Variants in FRY observed in about 807,000 individuals in gnomAD.
FRY encodes the protein protein furry homolog.
In FRY, 128 loss-of-function variants were observed where a neutral mutation model predicts 348.4. The ratio of observed to expected loss-of-function variants is 0.37; its 90% CI spans 0.32 to 0.43. The LOEUF (loss-of-function observed/expected upper bound fraction) is 0.43. FRY is among the 20% of genes least tolerant of loss of function. The pLI is 1.00. For missense variants in FRY, 2,736 were observed against 3,695.2 expected (o/e 0.74, Z 6.73); for synonymous variants, 1,370 against 1,374.7 (o/e 1.00, Z 0.08).
chr13:32,292,520 G>T (rs922596714), intron 59 of FRY, among the ~76,000 whole-genome samples: 7 of 152,016 alleles, frequency 4.6e-5, no homozygotes, highest in Non-Finnish European at 5.9e-5. Context: ...TTGGCAGGGT[G>T]CGGTGGCTCA....
At chr13:32,097,243 A>C (rs1283692000) in intron 2 of FRY, among the ~76,000 whole-genome samples, 1 of 152,158 alleles carries the variant, frequency 6.6e-6, no homozygotes, top group Non-Finnish European at 1.5e-5. Context: ...CTACAGACCC[A>C]CAGGTGTGCT....
At chr13:32,165,048 A>G (rs1881658338) in intron 17 of FRY, among the ~76,000 whole-genome samples, 1 of 151,222 alleles carries the variant, frequency 6.6e-6, no homozygotes, top group Non-Finnish European at 1.5e-5. Flanking sequence ...TGCATTTCAT[A>G]TACATTATGT....
chr13:32,266,276 C>T (rs1887922571), intron 54 of FRY, among the ~76,000 whole-genome samples: 1 of 152,162 alleles, frequency 6.6e-6, no homozygotes, highest in South Asian at 2.1e-4. Context: ...AATGTCTGTC[C>T]ATCAAAGGAA....
intron 1 of FRY, 34 bp from the exon 2 acceptor site, chr13:32,078,800 A>G (rs1265729197): frequency 2.7e-6 from 4 of 1,472,390 alleles, no homozygotes; most frequent in Admixed American, 1.7e-5. Context: ...TGACATTATT[A>G]TCAGCCAGTA....
chr13:32,061,269 C>A (rs1238400753), intron 1 of FRY: 1 of 463,890 alleles, frequency 2.2e-6, no homozygotes, highest in Non-Finnish European at 4.5e-6. Flanking sequence ...GTGGAGGTAG[C>A]AGTTGCATCT....
chr13:32,184,893 C>G, intron 25 of FRY, 83 bp from the exon 26 acceptor site: 1 of 1,212,604 alleles, frequency 8.2e-7, no homozygotes, highest in Non-Finnish European at 1.2e-6. Context: ...TGAGTTGTGA[C>G]AGTGAATCTT....
Position 32,234,638 on chromosome 13 carries a change from G to A in FRY, c.5592G>A (p.Arg1864=). 6.2e-7 allele frequency: 1 copy of A among 1,614,128 alleles called. No individual in the cohort carries two copies. The highest frequency in any genetic ancestry group is 8.5e-7 in the Non-Finnish European group (1 of 1,180,006). Residue 1864 remains arginine (R), a synonymous_variant, in exon 42 of 61, where the codon AGG becomes AGA. Coordinates refer to ENST00000542859, the MANE Select transcript of FRY (RefSeq NM_023037.3). The stretch of plus-strand genomic sequence containing the variant: ...AGACAGCCCTCGCAAGCTCTTCAAG[G>A]CACTATGCTGGTCGGTCCTTCCAGA... ...ALQTALASSS[R]HYAGRSFQIF... is the part of the protein sequence containing the mutation.
At position 32,292,629 on chromosome 13, in the gene FRY, T is replaced by TA. The variant is rs528607809; in HGVS notation, c.8581-1735dup. The stretch of plus-strand genomic sequence containing the variant: ...CAACATGGTGAAACCCTGCCTCTAC[T>TA]AAAATACAAAAAACTAGCCAGGCAT... On this transcript the variant is annotated intron_variant, in intron 59 of 60. Coordinates refer to ENST00000542859, the MANE Select transcript of FRY (RefSeq NM_023037.3). 2.1e-3 allele frequency among the ~76,000 whole-genome samples: 319 copies of TA among 151,664 alleles called. 2 individuals carry two copies. Among genetic ancestry groups the TA allele is most frequent in the Middle Eastern group, 3.4e-3 (1 of 294 alleles).
intron 23 of FRY, 88 bp from the exon 24 acceptor site, chr13:32,182,889 G>A: frequency 1.2e-6 from 1 of 822,390 alleles, no homozygotes. Context: ...AAAAGCAAGT[G>A]ATTTGGGATT....
chr13:32,108,480 G>A (rs899165497), intron 3 of FRY, among the ~76,000 whole-genome samples: 1 of 152,128 alleles, frequency 6.6e-6, no homozygotes, highest in Admixed American at 6.5e-5. Flanking sequence ...TATTGTTAAA[G>A]GATAATCTTC....
Position 32,295,294 on chromosome 13 carries a change from A to G in FRY, c.8876A>G (p.Gln2959Arg), listed in dbSNP as rs1355368972. 1 of 1,614,056 alleles carries G rather than the reference A, an allele frequency of 6.2e-7. No individual in the cohort carries two copies. The change falls in exon 61 of 61, where the codon CAG becomes CGG. Residue 2959 changes from glutamine (Q) to arginine (R), a missense_variant. Coordinates refer to ENST00000542859, the MANE Select transcript of FRY (RefSeq NM_023037.3). ...NIYFRHQTLG[Q>R]TGTYALVGSN... ...TATTTCCGTCACCAAACTCTGGGAC[A>G]GACGGGTACTTATGCCCTGGTGGGG...
chr13:32,279,293 G>A (rs1027825704), intron 58 of FRY, among the ~76,000 whole-genome samples: 3 of 152,184 alleles, frequency 2.0e-5, no homozygotes, highest in Non-Finnish European at 4.4e-5. Flanking sequence ...CATCTTGGCA[G>A]AGATCTAAAA....
chr13:32,112,063 G>A (rs1351023417), intron 3 of FRY, among the ~76,000 whole-genome samples: 1 of 152,202 alleles, frequency 6.6e-6, no homozygotes, highest in Non-Finnish European at 1.5e-5. Context: ...TAAGTTGCAA[G>A]GGTTCTAATG....
chr13:32,248,884 T>C (rs1457636365), intron 48 of FRY, among the ~76,000 whole-genome samples: 3 of 152,166 alleles, frequency 2.0e-5, no homozygotes, highest in African/African-American at 7.2e-5. Flanking sequence ...CCCAGAATGA[T>C]GGGTCTCAGG....
chr13:32,121,137 A>G (rs1394085846), intron 4 of FRY, among the ~76,000 whole-genome samples: 1 of 152,176 alleles, frequency 6.6e-6, no homozygotes. Flanking sequence ...ATTCGATCAT[A>G]TATATATACC....
intron 37 of FRY, among the ~76,000 whole-genome samples, chr13:32,224,680 G>A (rs1369269507): frequency 6.6e-6 from 1 of 152,172 alleles, no homozygotes; most frequent in Non-Finnish European, 1.5e-5. Flanking sequence ...CCTTGTCTTT[G>A]ATTTCTCTTC....
At chr13:32,065,978 A>C (rs1874236668) in intron 1 of FRY, among the ~76,000 whole-genome samples, 1 of 152,176 alleles carries the variant, frequency 6.6e-6, no homozygotes, top group Admixed American at 6.5e-5. Flanking sequence ...ATCAGTATGC[A>C]TTCTAGGAAA....
At chr13:32,036,480 T>C (rs1402514040) in intron 1 of FRY, among the ~76,000 whole-genome samples, 1 of 152,134 alleles carries the variant, frequency 6.6e-6, no homozygotes, top group East Asian at 1.9e-4. Context: ...GAGGGTTTTT[T>C]TTTTCCCATT....
intron 35 of FRY, among the ~76,000 whole-genome samples, chr13:32,214,102 C>T (rs1884838513): frequency 6.6e-6 from 1 of 152,216 alleles, no homozygotes; most frequent in Non-Finnish European, 1.5e-5. Flanking sequence ...TCCCAATGGA[C>T]ACCACTATTC....
Sources: allele counts gnomAD v4.1 joint callset (sites outside exome capture counted in the v4.1 genomes callset), GRCh38; gene constraint gnomAD v4.1.1; transcripts MANE v1.5; gene names NCBI Gene and HGNC (gene_info 2026-07-23, HGNC 2026-07-21).